GSDME: variants seen among roughly 807,000 people sequenced by gnomAD.
The protein encoded by GSDME is gasdermin E, also known as gasdermin-E.
A neutral mutation model predicts 47.5 loss-of-function variants in GSDME; 44 were observed. The observed-to-expected ratio is 0.93, with a 90% CI of 0.73 to 1.19. GSDME has a LOEUF of 1.19. Among genes scored for constraint, GSDME ranks in the 50% most tolerant of loss-of-function variants. The probability of loss-of-function intolerance (pLI) is 0.00; values close to 1 mark genes in which losing one functional copy is unlikely to be tolerated. For missense variants in GSDME, 663 were observed against 604.2 expected, an observed-to-expected ratio of 1.10 and a Z score of -1.02; for synonymous variants, 258 against 252.8, an observed-to-expected ratio of 1.02 and a Z score of -0.20.
intron 3 of GSDME, among the ~76,000 whole-genome samples, chr7:24,734,563 T>C (rs574225903): frequency 6.6e-6 from 1 of 152,216 alleles, no homozygotes; most frequent in African/African-American, 2.4e-5. Flanking sequence ...GAGAAGGAAT[T>C]TGGCATTCCT....
In GSDME at chr7:24,720,907, CAA is replaced by C. The variant is rs36086754; in HGVS notation, c.405-1691_405-1690del. Among the ~76,000 whole-genome samples, 189 of 124,166 alleles carry C rather than the reference CAA, an allele frequency of 1.5e-3. No individual in the cohort carries two copies. The East Asian group carries it at 0.02, about 13-fold the overall frequency. The allele number at this position is 124,166 out of a possible 152,430, so 81.5% of individuals were successfully genotyped here. A position where few individuals can be genotyped will look rare whatever the true frequency, so the allele number is the denominator to read the frequency against. On this transcript the variant is annotated intron_variant, in intron 3 of 9. Coordinates refer to ENST00000645220, the MANE Select transcript of GSDME (RefSeq NM_001127453.2). The stretch of plus-strand genomic sequence containing the variant: ...GGGCAACAAGAGCGAAACTCCGTCT[CAA>C]AAAAAAAAAAAAAGAAGTGAAGTTC...
rs1315743117 is a variant in GSDME, at chr7:24,699,017, C to CAT, written c.*7_*8dup. 6.3e-7 allele frequency: 1 copy of CAT among 1,587,504 alleles called. No individual in the cohort carries two copies. The highest frequency in any genetic ancestry group is 2.2e-5 in the East Asian group (1 of 44,656). On this transcript the variant is annotated 3_prime_UTR_variant, in exon 10 of 10. Transcript: ENST00000645220. ...GCCAGTAACACGTACTTCTAGTTCA[C>CAT]ATATGACATCATGAATGTTCTCTGC...
chr7:24,727,711 C>T (rs1188036076), intron 3 of GSDME, among the ~76,000 whole-genome samples: 3 of 152,224 alleles, frequency 2.0e-5, no homozygotes, highest in African/African-American at 7.2e-5. Flanking sequence ...TGATAACCAA[C>T]CTCCTCCAGT....
rs34712480 is a variant in GSDME, at chr7:24,754,485, C to CAA, written c.-20+2909_-20+2910dup. Among the ~76,000 whole-genome samples, 4 of 131,578 alleles carry CAA rather than the reference C, an allele frequency of 3.0e-5. No homozygotes were observed. Among genetic ancestry groups the CAA allele is most frequent in the South Asian group, 2.5e-4 (1 of 3,992 alleles). 86.3% of individuals were successfully genotyped at this position (131,578 alleles called of 152,430 possible). ...GGGCAACAAGAGCGAAACTTTGTCT[C>CAA]AAAAAAAAAAAAAAAAAGTTGTATT... On this transcript the variant is annotated intron_variant, in intron 1 of 9. Coordinates refer to ENST00000645220, the MANE Select transcript of GSDME (RefSeq NM_001127453.2). This position sits in a 1 kb window ranked among gnomAD's most constrained non-coding sequence, Gnocchi z 5.0.
chr7:24,705,632 C>G lies in GSDME; in HGVS notation c.1183+552G>C, dbSNP rs1180808566. ...GTTCCACAGTAACTGGATGGCTGCT[C>G]CCCTGGGAGGCCATTTCAGGACCAG... is the stretch of plus-strand genomic sequence containing the variant. On this transcript the variant is annotated intron_variant, in intron 8 of 9. Coordinates refer to ENST00000645220, the MANE Select transcript of GSDME (RefSeq NM_001127453.2). The surrounding 1 kb of genome is among the most constrained non-coding windows in gnomAD (Gnocchi z 4.1). The G allele has an allele frequency of 5.7e-6, 1 of 175,054 alleles. No individual in the cohort carries two copies. Among genetic ancestry groups the G allele is most frequent in the Non-Finnish European group, 1.2e-5 (1 of 81,778 alleles). 10.8% of individuals were successfully genotyped at this position (175,054 alleles called of 1,614,324 possible).
chr7:24,705,569 G>A lies in GSDME; in HGVS notation c.1183+615C>T, dbSNP rs968392168. The A allele has an allele frequency of 2.5e-5, 4 of 158,552 alleles. No individual in the cohort carries two copies. The highest frequency in any genetic ancestry group is 7.2e-5 in the African/African-American group (3 of 41,474). 9.8% of individuals were successfully genotyped at this position (158,552 alleles called of 1,614,324 possible). A position where few individuals can be genotyped will look rare whatever the true frequency, so the allele number is the denominator to read the frequency against. The stretch of plus-strand genomic sequence containing the variant: ...CTCGTGACAGGCACTGTGGCATGGC[G>A]AGTTCCGGATGGGAGGGGTACAGAG... On this transcript the variant is annotated intron_variant, in intron 8 of 9. Transcript: ENST00000645220. This position sits in a 1 kb window ranked among gnomAD's most constrained non-coding sequence, Gnocchi z 4.1.
At chr7:24,746,779 A>G (rs1398195002) in intron 2 of GSDME, among the ~76,000 whole-genome samples, 1 of 152,194 alleles carries the variant, frequency 6.6e-6, no homozygotes, top group Non-Finnish European at 1.5e-5. Flanking sequence ...CTGTTGGTGG[A>G]AGGGAAGAAA....
the GSDME span, among the ~76,000 whole-genome samples, chr7:24,766,535 T>A: frequency 6.6e-6 from 1 of 152,174 alleles, no homozygotes; most frequent in East Asian, 1.9e-4. This position sits in a 1 kb window ranked among gnomAD's most constrained non-coding sequence, Gnocchi z 4.2. Context: ...CTCCCACTTA[T>A]GAGTGAGAAC....
At chr7:24,713,317 G>T (rs1789428669) in intron 5 of GSDME, among the ~76,000 whole-genome samples, 1 of 152,136 alleles carries the variant, frequency 6.6e-6, no homozygotes, top group South Asian at 2.1e-4. Flanking sequence ...TCTGTAACCT[G>T]CATCAGGGGA....
intron 9 of GSDME, among the ~76,000 whole-genome samples, chr7:24,700,391 A>T (rs1228240312): frequency 1.3e-5 from 2 of 152,202 alleles, no homozygotes; most frequent in Admixed American, 1.3e-4. Flanking sequence ...TTACCAGTAG[A>T]TTTCATTTTG....
chr7:24,717,064 C>T (rs78738085), intron 5 of GSDME, 190 bp downstream of exon 5: 424 of 660,318 alleles, frequency 6.4e-4, no homozygotes, highest in Non-Finnish European at 1.0e-3. Context: ...GCATCCCTCA[C>T]CACACCCCTC....
rs117584512 is a variant in GSDME at position 24,698,489 on chromosome 7, G to A, written c.*537C>T. On this transcript the variant is annotated 3_prime_UTR_variant, in exon 10 of 10. Coordinates refer to ENST00000645220, the MANE Select transcript of GSDME (RefSeq NM_001127453.2). ...CATATAGCTAGGGTCCCAAGCAGGG[G>A]TGTGTTACTGTTAGATTTTTTTGAA... 141 of 186,054 alleles carry A rather than the reference G, an allele frequency of 7.6e-4. 1 individual carries two copies. The highest frequency in any genetic ancestry group is 1.4e-3 in the Non-Finnish European group (126 of 89,090). 11.5% of individuals were successfully genotyped at this position (186,054 alleles called of 1,614,324 possible). A position where few individuals can be genotyped will look rare whatever the true frequency, so the allele number is the denominator to read the frequency against.
the GSDME span, among the ~76,000 whole-genome samples, chr7:24,774,799 G>T: frequency 4.9e-4 from 75 of 152,238 alleles, no homozygotes; most frequent in Middle Eastern, 3.4e-3. Context: ...CCAAAGGGCT[G>T]GGATTACAGG....
intron 8 of GSDME, chr7:24,704,617 C>G (rs773162067): frequency 6.6e-6 from 1 of 152,168 alleles, no homozygotes; most frequent in Non-Finnish European, 1.5e-5. Context: ...TTGCCAGCTG[C>G]ACCTAAAGAT....
At chr7:24,729,482 C>A (rs942689090) in intron 3 of GSDME, among the ~76,000 whole-genome samples, 1 of 152,216 alleles carries the variant, frequency 6.6e-6, no homozygotes, top group African/African-American at 2.4e-5. Flanking sequence ...AGGCAACTTC[C>A]GACACACTTG....
intron 3 of GSDME, among the ~76,000 whole-genome samples, 185 bp from the exon 4 acceptor site, chr7:24,719,403 C>T (rs1789692075): frequency 6.6e-6 from 1 of 152,148 alleles, no homozygotes; most frequent in African/African-American, 2.4e-5. Flanking sequence ...CTTGAGGCCA[C>T]CTCAGAGCTG....
chr7:24,773,006 A>G, the GSDME span, among the ~76,000 whole-genome samples: 1 of 152,186 alleles, frequency 6.6e-6, no homozygotes, highest in Non-Finnish European at 1.5e-5. This position sits in a 1 kb window ranked among gnomAD's most constrained non-coding sequence, Gnocchi z 5.4. Flanking sequence ...GTAGTTGCTG[A>G]TTATAGACAA....
chr7:24,748,333 T>C (rs1054560350), intron 2 of GSDME, among the ~76,000 whole-genome samples: 5 of 151,760 alleles, frequency 3.3e-5, no homozygotes, highest in African/African-American at 1.2e-4. Context: ...CTAATTTTTA[T>C]ATTTTTAGTA....
the GSDME span, among the ~76,000 whole-genome samples, chr7:24,776,516 C>T: frequency 6.6e-6 from 1 of 152,168 alleles, no homozygotes; most frequent in Non-Finnish European, 1.5e-5. Context: ...TCCCCACTCC[C>T]AACTATTTTA....
Sources: gnomAD v4.1 joint callset for allele counts (sites outside exome capture counted in the v4.1 genomes callset) on GRCh38, gnomAD v4.1.1 for gene constraint, Gnocchi (gnomAD v3.1) non-coding constraint, MANE v1.5 for transcripts, NCBI Gene and HGNC (gene_info 2026-07-23, HGNC 2026-07-21) for gene names.